Variants in MPRIP observed in about 807,000 individuals in gnomAD.
The protein encoded by MPRIP is myosin phosphatase Rho interacting protein, also known as myosin phosphatase Rho-interacting protein.
In MPRIP, 59 loss-of-function variants were observed where a neutral mutation model predicts 234.9. That is an observed-to-expected ratio of 0.25 (90% CI 0.20 to 0.31). The LOEUF (loss-of-function observed/expected upper bound fraction) is 0.31, where lower values mean the gene tolerates loss of function less well. MPRIP is among the 10% of genes least tolerant of loss of function. The pLI is 1.00. For missense variants in MPRIP, 2,436 were observed against 3,071.0 expected, an observed-to-expected ratio of 0.79 and a Z score of 4.89; for synonymous variants, 1,144 against 1,263.9, an observed-to-expected ratio of 0.91 and a Z score of 2.01.
At chr17:17,093,012 G>A (rs1294881717) in intron 3 of MPRIP, among the ~76,000 whole-genome samples, 1 of 152,222 alleles carries the variant, frequency 6.6e-6, no homozygotes, top group Non-Finnish European at 1.5e-5. Flanking sequence ...TTTGAAGGGT[G>A]GGGAGGGGTA....
At chr17:17,163,246 T>C (rs938540121) in intron 15 of MPRIP, among the ~76,000 whole-genome samples, 10 of 152,216 alleles carry the variant, frequency 6.6e-5, no homozygotes, top group African/African-American at 2.2e-4. Flanking sequence ...GTCACATCTG[T>C]GGCTTCCCCG....
rs776964693 is a variant in MPRIP at position 17,192,261 on chromosome 17, A to G, written c.*7367A>G. 2 of 152,096 alleles carry G rather than the reference A, an allele frequency of 1.3e-5. No individual in the cohort carries two copies. The highest frequency in any genetic ancestry group is 6.6e-5 in the Admixed American group (1 of 15,262). 9.4% of individuals were successfully genotyped at this position (152,096 alleles called of 1,614,324 possible). ...AATGCTAAGTGGTAACGCTTAACAA[A>G]CAGACTAAAAGCTGTGTGCAGAAGA... On this transcript the variant is annotated 3_prime_UTR_variant, in exon 24 of 24. Coordinates refer to ENST00000651222, the MANE Select transcript of MPRIP (RefSeq NM_001364716.4).
In MPRIP at chr17:17,191,225, T is replaced by G. The variant is rs10852847; in HGVS notation, c.*6331T>G. On this transcript the variant is annotated 3_prime_UTR_variant, in exon 24 of 24. Transcript: ENST00000651222. ...AGTCCTTAAGGAAAATCAGGAAAAT[T>G]AAGAAAATGATGGTGCCATCTTGAC... The G allele has an allele frequency of 0.77, 116,562 of 152,166 alleles. 44,931 individuals are homozygous for G. Among genetic ancestry groups the G allele is most frequent in the East Asian group, 0.99 (5,125 of 5,182 alleles). 9.4% of individuals were successfully genotyped at this position (152,166 alleles called of 1,614,324 possible). A position where few individuals can be genotyped will look rare whatever the true frequency, so the allele number is the denominator to read the frequency against.
At chr17:17,115,781 G>A (rs926263824) in intron 3 of MPRIP, among the ~76,000 whole-genome samples, 1 of 151,758 alleles carries the variant, frequency 6.6e-6, no homozygotes, top group Non-Finnish European at 1.5e-5. Context: ...ACCATCTGCT[G>A]GTTGCAGCAG....
chr17:17,107,027 G>A (rs2090075814), intron 3 of MPRIP, among the ~76,000 whole-genome samples: 1 of 152,208 alleles, frequency 6.6e-6, no homozygotes. Context: ...CAGAAAATAA[G>A]CCAAAGAGGA....
intron 19 of MPRIP, 38 bp downstream of exon 19, chr17:17,174,113 G>T (rs894695683): frequency 1.2e-6 from 2 of 1,606,674 alleles, no homozygotes; most frequent in Non-Finnish European, 8.5e-7. Flanking sequence ...GTTAGTCAGG[G>T]GCACTCAAGG....
intron 1 of MPRIP, among the ~76,000 whole-genome samples, chr17:17,070,384 T>G (rs2089163641): frequency 6.6e-6 from 1 of 152,220 alleles, no homozygotes; most frequent in African/African-American, 2.4e-5. Context: ...GCAGAGACTC[T>G]GATGACATGA....
chr17:17,165,402 G>A lies in MPRIP; in HGVS notation c.3811G>A (p.Gly1271Arg), dbSNP rs763234195. The change falls in exon 16 of 24, where the codon GGG (glycine) becomes AGG (arginine). Residue 1271 changes from glycine to arginine, a missense_variant. Around this residue, in one of 4 missense-constraint regions of MPRIP, gnomAD observed 1,998 missense variants for 2,520.3 expected, o/e 0.79. Transcript: ENST00000651222. ...TRLEDEDEDL[G>R]APPGEEYGDG... ...GCTCGAGGATGAGGACGAGGACCTG[G>A]GGGCTCCTCCGGGGGAAGAGTACGG... The A allele has an allele frequency of 7.7e-7, 1 of 1,304,200 alleles. No individual in the cohort carries two copies. The highest frequency in any genetic ancestry group is 1.2e-5 in the South Asian group (1 of 81,026). The allele number at this position is 1,304,200 out of a possible 1,614,324, so 80.8% of individuals were successfully genotyped here. A position where few individuals can be genotyped will look rare whatever the true frequency, so the allele number is the denominator to read the frequency against.
chr17:17,100,434 G>A (rs1410269869), intron 3 of MPRIP, among the ~76,000 whole-genome samples: 1 of 151,926 alleles, frequency 6.6e-6, no homozygotes, highest in Non-Finnish European at 1.5e-5. Context: ...ATGAATTGGT[G>A]TGTGTGTGTG....
At chr17:17,146,174 C>T in intron 10 of MPRIP, 82 bp downstream of exon 10, 1 of 1,259,826 alleles carries the variant, frequency 7.9e-7, no homozygotes, top group Non-Finnish European at 1.2e-6. Flanking sequence ...AGCCAGTCTG[C>T]AAGTGCTGGC....
In MPRIP at chr17:17,042,809, C is replaced by G; in HGVS notation, c.-40C>G. On this transcript the variant is annotated 5_prime_UTR_variant, in exon 1 of 24. Transcript: ENST00000651222. ...GCCGGGAGCGCCAGGCCGGCCAGGCCTGCGCCGCCGCCGCCGCCGCCGTCG... is the reference window on the plus strand; with the variant it reads ...GCCGGGAGCGCCAGGCCGGCCAGGCGTGCGCCGCCGCCGCCGCCGCCGTCG... 7.5e-7 allele frequency: 1 copy of G among 1,337,134 alleles called. No individual in the cohort carries two copies. Among genetic ancestry groups the G allele is most frequent in the Admixed American group, 2.4e-5 (1 of 41,152 alleles). The allele number at this position is 1,337,134 out of a possible 1,614,324, so 82.8% of individuals were successfully genotyped here.
chr17:17,060,884 A>G (rs1437317360), intron 1 of MPRIP, among the ~76,000 whole-genome samples: 1 of 152,206 alleles, frequency 6.6e-6, no homozygotes, highest in Non-Finnish European at 1.5e-5. Context: ...ATAGAACAGT[A>G]TTCTCCAGGA....
chr17:17,047,540 A>C (rs1464563745), intron 1 of MPRIP, among the ~76,000 whole-genome samples: 1 of 152,202 alleles, frequency 6.6e-6, no homozygotes, highest in Non-Finnish European at 1.5e-5. Flanking sequence ...TTCTGGTTAA[A>C]GGCAGAAGAT....
rs199876774 is a variant in MPRIP, at chr17:17,123,721, A to G, written c.268-2981A>G. Among the ~76,000 whole-genome samples, 1,355 of 150,836 alleles carry G rather than the reference A, an allele frequency of 9.0e-3. 31 individuals are homozygous for G. In the East Asian group the frequency reaches 0.091, roughly 10 times the overall value. ...TTCGTCTCAAAAAAAAAAAAAAAAA[A>G]AAAGAAAGAAAAAACGAAAAGTTAA... On this transcript the variant is annotated intron_variant, in intron 3 of 23. Coordinates refer to ENST00000651222, the MANE Select transcript of MPRIP (RefSeq NM_001364716.4).
In MPRIP at chr17:17,171,875, T is replaced by C; in HGVS notation, c.6472+10T>C. The C allele has an allele frequency of 1.2e-6, 2 of 1,611,058 alleles. No homozygotes were observed. Among genetic ancestry groups the C allele is most frequent in the South Asian group, 1.1e-5 (1 of 90,788 alleles). On this transcript the variant is annotated intron_variant, in intron 17 of 23. Transcript: ENST00000651222. ...GCGGCCACCATCTCAGGTTGGGGGG[T>C]GGGGTAACCCTGAGGGCAGGGTGGG...
chr17:17,088,198 G>T (rs953080700), intron 3 of MPRIP, among the ~76,000 whole-genome samples: 7 of 152,202 alleles, frequency 4.6e-5, no homozygotes, highest in African/African-American at 1.7e-4. Flanking sequence ...TGTCGTGAGG[G>T]TAAAGGGGTT....
chr17:17,161,886 C>T (rs1249260672), intron 15 of MPRIP, among the ~76,000 whole-genome samples: 1 of 152,178 alleles, frequency 6.6e-6, no homozygotes, highest in Non-Finnish European at 1.5e-5. Flanking sequence ...CTAGCCCAAC[C>T]CCGGGATACC....
At chr17:17,140,905 G>A (rs934338160) in intron 7 of MPRIP, among the ~76,000 whole-genome samples, 1 of 152,144 alleles carries the variant, frequency 6.6e-6, no homozygotes, top group African/African-American at 2.4e-5. Context: ...TGCAGGCCCC[G>A]TTTTCTGTGC....
At chr17:17,168,868 G>C (rs1181200468) in intron 16 of MPRIP, 2 of 456,738 alleles carry the variant, frequency 4.4e-6, no homozygotes, top group Non-Finnish European at 8.8e-6. Context: ...TGTGCTGCAA[G>C]CTCCTGACTC....
Sources: allele counts gnomAD v4.1 joint callset (sites outside exome capture counted in the v4.1 genomes callset), GRCh38; gene constraint gnomAD v4.1.1; regional missense constraint gnomAD v4.1.1; transcripts MANE v1.5; gene names NCBI Gene and HGNC (gene_info 2026-07-23, HGNC 2026-07-21).